USP3: variants seen among roughly 807,000 people sequenced by gnomAD.
USP3 encodes the protein ubiquitin carboxyl-terminal hydrolase 3.
In USP3, 20 loss-of-function variants were observed where a neutral mutation model predicts 72.3. The ratio of observed to expected loss-of-function variants is 0.28; its 90% CI spans 0.19 to 0.40. The LOEUF is 0.40. Among genes scored for constraint, USP3 ranks in the 10% least tolerant of loss-of-function variants. USP3 has a pLI of 1.00. For missense variants in USP3, 479 were observed against 633.9 expected (o/e 0.76, Z 2.62); for synonymous variants, 222 against 225.3 (o/e 0.99, Z 0.13).
intron 11 of USP3, among the ~76,000 whole-genome samples, chr15:63,579,925 T>C (rs577337274): frequency 6.6e-6 from 1 of 152,300 alleles, no homozygotes; most frequent in East Asian, 1.9e-4. Context: ...ACACTCGTGT[T>C]GTTGTTATAA....
chr15:63,562,206 G>T (rs1221477484), intron 7 of USP3, among the ~76,000 whole-genome samples: 2 of 152,140 alleles, frequency 1.3e-5, no homozygotes, highest in Non-Finnish European at 2.9e-5. Flanking sequence ...GACACACTCA[G>T]TTTTTTATTG....
chr15:63,544,501 G>T lies in USP3; in HGVS notation c.284+7345G>T. 1 of 547,786 alleles carries T rather than the reference G, an allele frequency of 1.8e-6. No individual in the cohort carries two copies. The allele number at this position is 547,786 out of a possible 1,614,324, so 33.9% of individuals were successfully genotyped here. On this transcript the variant is annotated intron_variant, in intron 3 of 14. Coordinates refer to ENST00000380324, the MANE Select transcript of USP3 (RefSeq NM_006537.4). This position sits in a 1 kb window ranked among gnomAD's most constrained non-coding sequence, Gnocchi z 4.2. ...TGTTTTGTCTTTTAGAATTAGAGGG[G>T]GCAAGTAGTGCAGGGCAAAAACAGG...
In USP3 at chr15:63,593,536, T is replaced by G. The variant is rs988125441; in HGVS notation, c.*2710T>G. 2 of 152,278 alleles carry G rather than the reference T, an allele frequency of 1.3e-5. No homozygotes were observed. The highest frequency in any genetic ancestry group is 4.8e-5 in the African/African-American group (2 of 41,470). 9.4% of individuals were successfully genotyped at this position (152,278 alleles called of 1,614,324 possible). A position where few individuals can be genotyped will look rare whatever the true frequency, so the allele number is the denominator to read the frequency against. On this transcript the variant is annotated 3_prime_UTR_variant, in exon 15 of 15. Transcript: ENST00000380324. ...TGGACTACTTTGTCGGGCAGAGTGG[T>G]CTTCAGACAGGTGATGCTGTTGGCT...
chr15:63,527,146 C>G (rs1314199975), intron 1 of USP3, among the ~76,000 whole-genome samples: 2 of 152,214 alleles, frequency 1.3e-5, no homozygotes, highest in East Asian at 3.8e-4. Flanking sequence ...ATCCTCCCAC[C>G]TTGGCCTCCC....
chr15:63,529,044 T>C lies in USP3; in HGVS notation c.92-3603T>C, dbSNP rs778252409. On this transcript the variant is annotated intron_variant, in intron 1 of 14. Transcript: ENST00000380324. The surrounding 1 kb of genome is among the most constrained non-coding windows in gnomAD (Gnocchi z 4.2). ...AAATGTTTATCTGGTGTGACTGTAT[T>C]ATGCCCTCAGAGAGTACTGTATGTT... is the stretch of plus-strand genomic sequence containing the variant. 1.6e-6 allele frequency: 2 copies of C among 1,289,086 alleles called. No homozygotes were observed. The highest frequency in any genetic ancestry group is 1.2e-5 in the South Asian group (1 of 81,026). 79.9% of individuals were successfully genotyped at this position (1,289,086 alleles called of 1,614,324 possible).
At chr15:63,534,900 A>G (rs970118786) in intron 2 of USP3, among the ~76,000 whole-genome samples, 5 of 146,198 alleles carry the variant, frequency 3.4e-5, no homozygotes, top group Non-Finnish European at 7.5e-5. Context: ...GATACCTTAG[A>G]GTTTGCCTTT....
chr15:63,571,798 A>G (rs2066783081), intron 9 of USP3, among the ~76,000 whole-genome samples: 1 of 152,294 alleles, frequency 6.6e-6, no homozygotes. Context: ...ATGACATTTT[A>G]AAGATTAGGA....
At chr15:63,562,730 G>T (rs930810822) in intron 7 of USP3, among the ~76,000 whole-genome samples, 165 bp from the exon 8 acceptor site, 2 of 152,176 alleles carry the variant, frequency 1.3e-5, no homozygotes, top group African/African-American at 4.8e-5. Flanking sequence ...CTACTTTTAT[G>T]GGTTTTTGAG....
chr15:63,538,881 A>G (rs1045000409), intron 3 of USP3, among the ~76,000 whole-genome samples: 1 of 152,194 alleles, frequency 6.6e-6, no homozygotes, highest in Non-Finnish European at 1.5e-5. Flanking sequence ...AGGGTTATTC[A>G]TTCAGATCAC....
chr15:63,551,221 T>C (rs1264711304), intron 3 of USP3: 1 of 152,180 alleles, frequency 6.6e-6, no homozygotes, highest in Non-Finnish European at 1.5e-5. Flanking sequence ...ACTCTTTTTT[T>C]ACCCAGCAGC....
At chr15:63,554,048 A>G (rs1366527334) in intron 4 of USP3, among the ~76,000 whole-genome samples, 1 of 152,198 alleles carries the variant, frequency 6.6e-6, no homozygotes, top group African/African-American at 2.4e-5. Context: ...CTCTTTAAAA[A>G]ATATTACCCA....
intron 1 of USP3, among the ~76,000 whole-genome samples, chr15:63,530,951 G>T (rs992170490): frequency 6.6e-6 from 1 of 152,122 alleles, no homozygotes; most frequent in Non-Finnish European, 1.5e-5. Context: ...TGTGGTTTAC[G>T]TGCACATGTA....
rs371565475 is a variant in USP3 at position 63,591,080 on chromosome 15, C to CTTAGTCT, written c.*256_*262dup. The CTTAGTCT allele has an allele frequency of 1.6e-4, 58 of 374,164 alleles. No homozygotes were observed. The Middle Eastern group carries it at 4.4e-3, about 28-fold the overall frequency. 23.2% of individuals were successfully genotyped at this position (374,164 alleles called of 1,614,324 possible). ...CAATTTTTATAGGTAGTTGTAAGAA[C>CTTAGTCT]TTAGTCTTATTTGACTTTTTTATTT... On this transcript the variant is annotated 3_prime_UTR_variant, in exon 15 of 15. Transcript: ENST00000380324.
rs764141518 is a variant in USP3 at position 63,588,689 on chromosome 15, C to T, written c.1216-13C>T. The stretch of plus-strand genomic sequence containing the variant: ...AGGTGTTCACAATCTTTGACCGCAT[C>T]TCTGTCCTCCAGGTGCTATGCTTAC... On this transcript the variant is annotated splice_polypyrimidine_tract_variant and intron_variant, in intron 12 of 14. Coordinates refer to ENST00000380324, the MANE Select transcript of USP3 (RefSeq NM_006537.4). The surrounding 1 kb of genome is among the most constrained non-coding windows in gnomAD (Gnocchi z 4.6). 4 of 1,590,440 alleles carry T rather than the reference C, an allele frequency of 2.5e-6. No homozygotes were observed. In the African/African-American group the frequency reaches 4.0e-5, roughly 16 times the overall value.
intron 1 of USP3, chr15:63,515,630 A>G (rs1338092644): frequency 6.6e-6 from 1 of 152,230 alleles, no homozygotes; most frequent in Non-Finnish European, 1.5e-5. Flanking sequence ...CCTGACCCCA[A>G]ATGATAAACT....
intron 3 of USP3, among the ~76,000 whole-genome samples, chr15:63,539,452 A>C (rs2152662904): frequency 6.6e-6 from 1 of 152,322 alleles, no homozygotes; most frequent in Admixed American, 6.5e-5. Flanking sequence ...AGAAAATTTT[A>C]AGAATTATCT....
intron 3 of USP3, among the ~76,000 whole-genome samples, chr15:63,539,516 A>C (rs967060782): frequency 6.6e-6 from 1 of 152,234 alleles, no homozygotes; most frequent in East Asian, 1.9e-4. Context: ...TATATATTTT[A>C]ATATCTTTAT....
intron 1 of USP3, among the ~76,000 whole-genome samples, chr15:63,522,917 T>C (rs2065937979): frequency 6.6e-6 from 1 of 152,242 alleles, no homozygotes; most frequent in African/African-American, 2.4e-5. Context: ...TGAATACTTC[T>C]GAGTTTGATG....
chr15:63,558,258 C>A (rs917222748), intron 6 of USP3, 70 bp downstream of exon 6: 1 of 1,511,722 alleles, frequency 6.6e-7, no homozygotes, highest in Non-Finnish European at 9.2e-7. Flanking sequence ...CTCCCTATCT[C>A]GTCTGCCACT....
Sources: allele counts gnomAD v4.1 joint callset (sites outside exome capture counted in the v4.1 genomes callset), GRCh38; gene constraint gnomAD v4.1.1; non-coding constraint Gnocchi (gnomAD v3.1); transcripts MANE v1.5; gene names NCBI Gene and HGNC (gene_info 2026-07-23, HGNC 2026-07-21).